Variants in SOD2 observed in about 807,000 individuals in gnomAD.
SOD2 encodes superoxide dismutase 2, also known as superoxide dismutase [Mn], mitochondrial.
Under a neutral mutation model 27.0 loss-of-function variants are expected in SOD2, and 11 were observed. That is an observed-to-expected ratio of 0.41 (90% CI 0.26 to 0.67). The LOEUF (loss-of-function observed/expected upper bound fraction) is 0.67, where lower values mean the gene tolerates loss of function less well. SOD2 is among the 30% of genes least tolerant of loss of function. SOD2 has a pLI of 0.34. For synonymous variants in SOD2, 105 were observed against 103.0 expected, an observed-to-expected ratio of 1.02 and a Z score of -0.12; for missense variants, 250 against 274.5, an observed-to-expected ratio of 0.91 and a Z score of 0.63.
At chr6:159,744,906 C>G (rs1779483036) in intron 1 of SOD2, among the ~76,000 whole-genome samples, 1 of 152,300 alleles carries the variant, frequency 6.6e-6, no homozygotes, top group South Asian at 2.1e-4. Flanking sequence ...TCTTGAACTG[C>G]TGTACTTTGG....
At chr6:159,737,332 T>C (rs920134999) in intron 1 of SOD2, among the ~76,000 whole-genome samples, 3 of 152,120 alleles carry the variant, frequency 2.0e-5, no homozygotes, top group Non-Finnish European at 4.4e-5. Context: ...ATAATAGGCA[T>C]GAGCTGCCTC....
Position 159,707,987 on chromosome 6 carries a change from C to T in SOD2, c.-115-15124G>A, listed in dbSNP as rs1488487864. Among the ~76,000 whole-genome samples, 7 of 152,052 alleles carry T rather than the reference C, an allele frequency of 4.6e-5. No individual in the cohort carries two copies. In the East Asian group the frequency reaches 1.3e-3, roughly 29 times the overall value. ...ACATACGCAAACCAATAAATGTAAT[C>T]CAGCATATAAACAGAACCAAAGACA... On this transcript the variant is annotated intron_variant, in intron 1 of 2. Coordinates refer to the SOD2 transcript ENST00000401980.
rs922782256 is a variant in SOD2, at chr6:159,669,915, T to C, written c.*12578A>G. On this transcript the variant is annotated 3_prime_UTR_variant, in exon 5 of 5. Transcript: ENST00000538183. Reference sequence around the variant, plus strand: ...TTTTAATCCATTCAGTCAATCTATATCTTTTAAGTGGGAGAATTTAATCCA... The same window carrying C: ...TTTTAATCCATTCAGTCAATCTATACCTTTTAAGTGGGAGAATTTAATCCA... 1 of 152,216 alleles carries C rather than the reference T, an allele frequency of 6.6e-6. No homozygotes were observed. Among genetic ancestry groups the C allele is most frequent in the Non-Finnish European group, 1.5e-5 (1 of 68,042 alleles). 9.4% of individuals were successfully genotyped at this position (152,216 alleles called of 1,614,324 possible).
At chr6:159,736,321 T>C (rs781228165) in intron 1 of SOD2, 1 of 1,589,688 alleles carries the variant, frequency 6.3e-7, no homozygotes, top group Non-Finnish European at 8.6e-7. Flanking sequence ...TTGGGTTTTT[T>C]TGTTTTGTTT....
rs935214544 is a variant in SOD2, at chr6:159,677,575, A to G, written c.*4918T>C. On this transcript the variant is annotated 3_prime_UTR_variant, in exon 5 of 5. Transcript: ENST00000538183. ...CATCTTGTAAAAGTATGATTACTTT[A>G]TTTTTCAGAGTTAAGGCAATAATCT... 1 of 152,152 alleles carries G rather than the reference A, an allele frequency of 6.6e-6. No individual in the cohort carries two copies. The highest frequency in any genetic ancestry group is 2.4e-5 in the African/African-American group (1 of 41,430). 9.4% of individuals were successfully genotyped at this position (152,152 alleles called of 1,614,324 possible). A position where few individuals can be genotyped will look rare whatever the true frequency, so the allele number is the denominator to read the frequency against.
upstream of SOD2, among the ~76,000 whole-genome samples, chr6:159,693,877 C>CCATGCCTGGCCCCACTATCTCCATTGTA (rs1777361269): frequency 6.6e-6 from 1 of 152,228 alleles, no homozygotes. Flanking sequence ...TATTCCAGGA[C>CCATGCCTGGCCCCACTATCTCCATTGTA]AGGAGGCACA....
At chr6:159,723,639 TC>T (rs779751605) in intron 1 of SOD2, among the ~76,000 whole-genome samples, 2 of 152,210 alleles carry the variant, frequency 1.3e-5, no homozygotes, top group Non-Finnish European at 2.9e-5. Flanking sequence ...CCAGGACTGT[TC>T]CAGTTTTAAT....
chr6:159,758,163 G>C (rs1780052138), intron 1 of SOD2, among the ~76,000 whole-genome samples: 2 of 151,784 alleles, frequency 1.3e-5, no homozygotes, highest in Middle Eastern at 3.4e-3. Flanking sequence ...ACACTTAACT[G>C]ATTTGGGCAA....
upstream of SOD2, among the ~76,000 whole-genome samples, chr6:159,749,693 C>T (rs1049841214): frequency 3.3e-5 from 5 of 152,148 alleles, no homozygotes; most frequent in African/African-American, 1.2e-4. Context: ...CACAGGGTGT[C>T]TGCCAGAAGA....
At chr6:159,700,933 A>C (rs1265223200) in intron 1 of SOD2, among the ~76,000 whole-genome samples, 1 of 152,170 alleles carries the variant, frequency 6.6e-6, no homozygotes, top group Non-Finnish European at 1.5e-5. Flanking sequence ...TCCCTGGAAC[A>C]CAATGTAGGA....
chr6:159,713,024 T>C, intron 1 of SOD2: 1 of 637,694 alleles, frequency 1.6e-6, no homozygotes, highest in Non-Finnish European at 2.9e-6. Context: ...ACCAGTAAAC[T>C]CTGTCATCGT....
intron 1 of SOD2, among the ~76,000 whole-genome samples, chr6:159,744,070 G>A (rs911150025): frequency 1.3e-5 from 2 of 152,058 alleles, no homozygotes; most frequent in Non-Finnish European, 2.9e-5. Context: ...AGATATCTTG[G>A]TGTCTGAGGA....
chr6:159,732,850 TTCTC>T (rs146820451), intron 1 of SOD2, among the ~76,000 whole-genome samples: 11,519 of 147,610 alleles, frequency 0.078, 620 homozygotes, highest in African/African-American at 0.14. Flanking sequence ...GTCTGCTTCT[TTCTC>T]TCTCTCTCTC....
At chr6:159,692,987 C>G in intron 1 of SOD2, 124 bp from the exon 2 acceptor site, 1 of 1,347,682 alleles carries the variant, frequency 7.4e-7, no homozygotes. Flanking sequence ...TGCGGATCCC[C>G]GCTCCAGCCG....
At chr6:159,761,206 C>T (rs1780116949) in exon 1 of SOD2, 1 of 197,982 alleles carries the variant, frequency 5.1e-6, no homozygotes, top group Non-Finnish European at 1.1e-5. Flanking sequence ...GTTCCACTAT[C>T]CAGGTGTTCC....
At chr6:159,713,706 G>C in intron 1 of SOD2, 4 of 895,982 alleles carry the variant, frequency 4.5e-6, no homozygotes, top group Non-Finnish European at 7.5e-6. Flanking sequence ...TGTGTGCTTC[G>C]ATACCCAATC....
At chr6:159,741,383 A>G (rs1175930822) in intron 1 of SOD2, among the ~76,000 whole-genome samples, 2 of 152,208 alleles carry the variant, frequency 1.3e-5, no homozygotes, top group Non-Finnish European at 2.9e-5. Flanking sequence ...TACTACCTTG[A>G]GAAGAGTCAC....
chr6:159,761,016 T>G (rs1278746560), intron 1 of SOD2: 1 of 152,420 alleles, frequency 6.6e-6, no homozygotes, highest in African/African-American at 2.4e-5. Flanking sequence ...TTGCCCCACC[T>G]CTGGGGCCTA....
intron 1 of SOD2, chr6:159,753,569 G>C: frequency 6.2e-7 from 1 of 1,614,168 alleles, no homozygotes; most frequent in Non-Finnish European, 8.5e-7. Context: ...AGCAGAGTTG[G>C]CTTTACAGAA....
Sources: allele counts gnomAD v4.1 joint callset (sites outside exome capture counted in the v4.1 genomes callset), GRCh38; gene constraint gnomAD v4.1.1; transcripts MANE v1.5; gene names NCBI Gene and HGNC (gene_info 2026-07-23, HGNC 2026-07-21).